PSMG2: variants seen among roughly 807,000 people sequenced by gnomAD.
PSMG2 encodes CD40 ligand-activated specific transcript 3.
PSMG2 carries 21 observed loss-of-function variants against 31.5 expected under a neutral mutation model. The observed-to-expected ratio is 0.67, with a 90% CI of 0.47 to 0.96. PSMG2 has a LOEUF of 0.96. Ranked by LOEUF, PSMG2 falls within the 40% of genes least tolerant of loss-of-function variation. The probability of loss-of-function intolerance (pLI) is 0.00; values close to 1 mark genes in which losing one functional copy is unlikely to be tolerated. For missense variants in PSMG2, 318 were observed against 321.2 expected, an observed-to-expected ratio of 0.99 and a Z score of 0.08; for synonymous variants, 120 against 110.4, an observed-to-expected ratio of 1.09 and a Z score of -0.54.
chr18:12,679,211 G>A (rs1177503431), intron 1 of PSMG2: 1 of 152,138 alleles, frequency 6.6e-6, no homozygotes, highest in Non-Finnish European at 1.5e-5. Flanking sequence ...GAAAGAGAAT[G>A]TTCCATGAAG....
intron 2 of PSMG2, among the ~76,000 whole-genome samples, chr18:12,712,117 C>G (rs555433000): frequency 6.6e-6 from 1 of 152,182 alleles, no homozygotes; most frequent in South Asian, 2.1e-4. Context: ...AGAGTGTGCC[C>G]CTTGTAGAAC....
intron 2 of PSMG2, 131 bp from the exon 3 acceptor site, chr18:12,712,571 A>G: frequency 1.6e-6 from 1 of 644,812 alleles, no homozygotes; most frequent in Middle Eastern, 4.4e-4. Flanking sequence ...GATGTCATAT[A>G]TGTTCCGTAT....
chr18:12,686,594 G>C, intron 1 of PSMG2: 3 of 592,070 alleles, frequency 5.1e-6, no homozygotes, highest in South Asian at 4.1e-5. Flanking sequence ...GCTGCAAAGT[G>C]CTGTGTATAT....
At chr18:12,721,048 T>C (rs998035209) in intron 5 of PSMG2, among the ~76,000 whole-genome samples, 9 of 151,628 alleles carry the variant, frequency 5.9e-5, no homozygotes, top group African/African-American at 2.2e-4. Context: ...GGCGTGATGG[T>C]GGGCACCTGT....
intron 1 of PSMG2, chr18:12,678,142 CA>C: frequency 6.2e-7 from 1 of 1,613,502 alleles, no homozygotes; most frequent in Non-Finnish European, 8.5e-7. Context: ...GCCTCAGCTG[CA>C]TTTCAATTTC....
chr18:12,699,706 A>G (rs1419916643), upstream of PSMG2: 1 of 596,086 alleles, frequency 1.7e-6, no homozygotes, highest in South Asian at 2.9e-5. Flanking sequence ...TTAGCCAACC[A>G]TAAAATTTTA....
At chr18:12,668,195 G>A (rs2038843888) in intron 1 of PSMG2, among the ~76,000 whole-genome samples, 1 of 152,062 alleles carries the variant, frequency 6.6e-6, no homozygotes, top group Non-Finnish European at 1.5e-5. Context: ...AACCTGGGAG[G>A]TGGAGGTTGC....
chr18:12,707,368 CTAA>C (rs1194575712), intron 2 of PSMG2, among the ~76,000 whole-genome samples: 1 of 152,124 alleles, frequency 6.6e-6, no homozygotes, highest in African/African-American at 2.4e-5. Flanking sequence ...GTAACCATCA[CTAA>C]TAATATGGAA....
chr18:12,659,238 C>T (rs757040176), intron 1 of PSMG2, among the ~76,000 whole-genome samples: 2 of 150,874 alleles, frequency 1.3e-5, no homozygotes, highest in Non-Finnish European at 3.0e-5. Context: ...ATCACGCTCT[C>T]AACAATTGCA....
chr18:12,699,194 T>C (rs531016258), upstream of PSMG2: 46 of 1,610,974 alleles, frequency 2.9e-5, 1 homozygote, highest in South Asian at 4.7e-4. Flanking sequence ...CCGTGTTGGA[T>C]CAATATTAGC....
At chr18:12,686,553 G>A in intron 1 of PSMG2, 1 of 835,302 alleles carries the variant, frequency 1.2e-6, no homozygotes, top group Non-Finnish European at 1.9e-6. Context: ...GCATACCATT[G>A]ATCGAGTGCT....
intron 3 of PSMG2, among the ~76,000 whole-genome samples, chr18:12,717,671 A>G (rs1343914462): frequency 6.6e-6 from 1 of 152,228 alleles, no homozygotes; most frequent in Non-Finnish European, 1.5e-5. Context: ...TTCTGGATCC[A>G]TTGATGGTTC....
chr18:12,724,936 ATT>A, intron 6 of PSMG2: 1 of 364,088 alleles, frequency 2.7e-6, no homozygotes. Context: ...GAATTCAGGA[ATT>A]TTTTTAGGGA....
At chr18:12,674,481 G>T in intron 1 of PSMG2, 1 of 1,321,604 alleles carries the variant, frequency 7.6e-7, no homozygotes, top group South Asian at 1.2e-5. Context: ...ACCCCTGCCG[G>T]ACTGATCTGT....
intron 1 of PSMG2, chr18:12,691,535 TTAC>T (rs768544269): frequency 9.3e-6 from 13 of 1,397,556 alleles, no homozygotes; most frequent in African/African-American, 1.4e-5. Flanking sequence ...TTATCTTTAA[TTAC>T]TACAAAATAT....
intron 1 of PSMG2, chr18:12,692,315 C>CA (rs773752553): frequency 0.047 from 5,897 of 124,916 alleles, 163 homozygotes; most frequent in East Asian, 0.1. Flanking sequence ...GACTCTATCT[C>CA]AAAAAAAAAA....
chr18:12,699,299 C>A, upstream of PSMG2: 3 of 841,174 alleles, frequency 3.6e-6, no homozygotes, highest in Non-Finnish European at 5.6e-6. Context: ...GATAAAAACC[C>A]AATACCAAAG....
intron 1 of PSMG2, among the ~76,000 whole-genome samples, chr18:12,663,829 G>A (rs2038749327): frequency 1.3e-5 from 2 of 152,280 alleles, no homozygotes; most frequent in Admixed American, 1.3e-4. Flanking sequence ...GAGTGCAGTG[G>A]TGCGATCATA....
rs9947940 is a variant in PSMG2, at chr18:12,673,137, C to G, written c.-37+14364C>G. The stretch of plus-strand genomic sequence containing the variant: ...AGCATTTATTAAAATAGAATATACA[C>G]TTAATTTATACTAAATTCCAGGGAG... On this transcript the variant is annotated intron_variant, in intron 1 of 6. Transcript: ENST00000585331. The G allele has an allele frequency of 4.2e-3, 4,795 of 1,133,474 alleles. 171 individuals carry two copies. The African/African-American group carries it at 0.071, about 17-fold the overall frequency. The allele number at this position is 1,133,474 out of a possible 1,614,324, so 70.2% of individuals were successfully genotyped here.
Sources: gnomAD v4.1 joint callset for allele counts (sites outside exome capture counted in the v4.1 genomes callset) on GRCh38, gnomAD v4.1.1 for gene constraint, MANE v1.5 for transcripts, NCBI Gene and HGNC (gene_info 2026-07-23, HGNC 2026-07-21) for gene names.